SOX6: variants seen among roughly 807,000 people sequenced by gnomAD.
SOX6 encodes SRY-box transcription factor 6.
In SOX6, 11 loss-of-function variants were observed where a neutral mutation model predicts 97.8. The observed-to-expected ratio is 0.11, with a 90% confidence interval of 0.07 to 0.19. The LOEUF (loss-of-function observed/expected upper bound fraction) is 0.19. Ranked by LOEUF, SOX6 falls within the 10% of genes least tolerant of loss-of-function variation. The probability of loss-of-function intolerance (pLI) is 1.00; values close to 1 mark genes in which losing one functional copy is unlikely to be tolerated. For missense variants in SOX6, 810 were observed against 1,039.5 expected (o/e 0.78, Z 3.04); for synonymous variants, 360 against 371.4 (o/e 0.97, Z 0.35).
intron 4 of SOX6, among the ~76,000 whole-genome samples, chr11:16,210,227 G>A (rs1852182894): frequency 6.7e-6 from 1 of 148,208 alleles, no homozygotes; most frequent in Non-Finnish European, 1.5e-5. Flanking sequence ...CAAAAAAAGA[G>A]AAACAACCCA....
chr11:16,266,584 T>C (rs1243043318), intron 3 of SOX6, among the ~76,000 whole-genome samples: 1 of 151,600 alleles, frequency 6.6e-6, no homozygotes. Flanking sequence ...GCAAAAAGAA[T>C]ATCAATGTAT....
intron 12 of SOX6, among the ~76,000 whole-genome samples, chr11:16,031,967 G>C (rs1049020018): frequency 6.6e-6 from 1 of 152,104 alleles, no homozygotes; most frequent in African/African-American, 2.4e-5. Flanking sequence ...ACAGACTTCA[G>C]TATTCTAGGG....
chr11:16,329,946 C>T (rs952342347), intron 2 of SOX6, among the ~76,000 whole-genome samples: 1 of 152,194 alleles, frequency 6.6e-6, no homozygotes, highest in Non-Finnish European at 1.5e-5. Context: ...TACATACTCA[C>T]AGCTATTACA....
chr11:16,224,373 G>A (rs1220228109), intron 4 of SOX6, among the ~76,000 whole-genome samples: 1 of 151,936 alleles, frequency 6.6e-6, no homozygotes, highest in Admixed American at 6.6e-5. Context: ...AGATTCAACT[G>A]ATCTTTTCCC....
At chr11:16,464,576 C>A (rs1167138239) in intron 1 of SOX6, among the ~76,000 whole-genome samples, 1 of 151,968 alleles carries the variant, frequency 6.6e-6, no homozygotes, top group African/African-American at 2.4e-5. Context: ...AAGAGTTTCC[C>A]AACCCCCAAA....
intron 3 of SOX6, among the ~76,000 whole-genome samples, chr11:16,251,663 G>A (rs2134200237): frequency 6.6e-6 from 1 of 152,144 alleles, no homozygotes; most frequent in African/African-American, 2.4e-5. Flanking sequence ...AAACATTCAT[G>A]GAGGAAATAA....
chr11:16,697,403 G>A (rs779967369), intron 3 of SOX6, among the ~76,000 whole-genome samples: 1 of 152,206 alleles, frequency 6.6e-6, no homozygotes, highest in Non-Finnish European at 1.5e-5. Context: ...GGAGGCCGAG[G>A]TGGGTGGATC....
chr11:16,449,850 C>T (rs1281765308), intron 1 of SOX6, among the ~76,000 whole-genome samples: 2 of 152,082 alleles, frequency 1.3e-5, no homozygotes, highest in East Asian at 3.8e-4. Context: ...AAAGTCAAAT[C>T]GCACTACCAA....
At chr11:16,595,044 T>C (rs1207815172) in intron 4 of SOX6, among the ~76,000 whole-genome samples, 1 of 152,210 alleles carries the variant, frequency 6.6e-6, no homozygotes, top group Non-Finnish European at 1.5e-5. Context: ...AGGAAGATGT[T>C]CTTTAAATAT....
Position 16,523,950 on chromosome 11 carries a change from G to T in SOX6, n.610-47562C>A, listed in dbSNP as rs191519107. On this transcript the variant is annotated intron_variant and non_coding_transcript_variant, in intron 4 of 5. Transcript: ENST00000524520. ...TAAACCAGGAAGAAGTTGAATCTTT[G>T]AATAGACCCATAACAGGCTCTGAAA... Among the ~76,000 whole-genome samples the T allele has an allele frequency of 1.9e-3, 290 of 152,258 alleles. 2 individuals are homozygous for T. The highest frequency in any genetic ancestry group is 6.7e-3 in the African/African-American group (279 of 41,558).
intron 3 of SOX6, among the ~76,000 whole-genome samples, chr11:16,665,050 C>T (rs377079068): frequency 9.9e-5 from 15 of 151,906 alleles, no homozygotes; most frequent in African/African-American, 1.7e-4. Context: ...GCAGGGGTAA[C>T]CAGACAGTAT....
chr11:16,103,265 T>C (rs894394784), intron 7 of SOX6, among the ~76,000 whole-genome samples: 1 of 151,086 alleles, frequency 6.6e-6, no homozygotes, highest in African/African-American at 2.4e-5. Context: ...AATGATCATA[T>C]AAAAAAAAGC....
intron 12 of SOX6, among the ~76,000 whole-genome samples, chr11:16,034,020 CT>C (rs745338860): frequency 1.8e-4 from 28 of 152,248 alleles, no homozygotes; most frequent in Non-Finnish European, 2.9e-4. Context: ...TAAGAGCTCA[CT>C]AAAATGTTTC....
At chr11:16,318,174 T>C in intron 3 of SOX6, 1 of 466,316 alleles carries the variant, frequency 2.1e-6, no homozygotes, top group Non-Finnish European at 3.9e-6. Context: ...GTTACCTTTT[T>C]CCAGAGTAGG....
chr11:16,734,716 C>T (rs981292562), intron 2 of SOX6, among the ~76,000 whole-genome samples: 24 of 152,156 alleles, frequency 1.6e-4, no homozygotes, highest in African/African-American at 5.8e-4. Context: ...AAACTTGCTC[C>T]TCTCTAACCT....
intron 3 of SOX6, among the ~76,000 whole-genome samples, chr11:16,268,346 T>C (rs891400256): frequency 1.3e-5 from 2 of 151,170 alleles, no homozygotes; most frequent in African/African-American, 2.4e-5. Context: ...AAGTTAGAGA[T>C]AGTCAAGCTG....
chr11:16,079,322 T>C (rs1848424662), intron 9 of SOX6, among the ~76,000 whole-genome samples: 1 of 152,194 alleles, frequency 6.6e-6, no homozygotes, highest in Non-Finnish European at 1.5e-5. Flanking sequence ...ATATACTTGA[T>C]AAAATAAAAT....
chr11:16,618,579 A>G (rs940141230), intron 3 of SOX6, among the ~76,000 whole-genome samples: 8 of 151,894 alleles, frequency 5.3e-5, no homozygotes, highest in African/African-American at 2.4e-5. Flanking sequence ...TTTAAATTCC[A>G]GTTTTCCTGA....
At chr11:16,611,815 G>A (rs958753542) in intron 4 of SOX6, among the ~76,000 whole-genome samples, 1 of 152,204 alleles carries the variant, frequency 6.6e-6, no homozygotes. Context: ...TTGAATCTGC[G>A]TGTCATTTCT....
Sources: gnomAD v4.1 joint callset for allele counts (sites outside exome capture counted in the v4.1 genomes callset) on GRCh38, gnomAD v4.1.1 for gene constraint, MANE v1.5 for transcripts, NCBI Gene and HGNC (gene_info 2026-07-23, HGNC 2026-07-21) for gene names.